HTT: variants seen among roughly 807,000 people sequenced by gnomAD.
HTT encodes huntington disease protein.
Under a neutral mutation model 362.3 loss-of-function variants are expected in HTT, and 104 were observed. The observed-to-expected ratio is 0.29, with a 90% CI of 0.24 to 0.34. The LOEUF (loss-of-function observed/expected upper bound fraction) is 0.34. Among genes scored for constraint, HTT ranks in the 10% least tolerant of loss-of-function variants. HTT has a pLI of 1.00. For missense variants in HTT, 3,301 were observed against 3,928.6 expected, an observed-to-expected ratio of 0.84 and a Z score of 4.27; for synonymous variants, 1,577 against 1,548.7, an observed-to-expected ratio of 1.02 and a Z score of -0.43.
chr4:3,135,152 A>G (rs1715999481), intron 19 of HTT, among the ~76,000 whole-genome samples: 4 of 152,030 alleles, frequency 2.6e-5, no homozygotes, highest in South Asian at 4.1e-4. Context: ...AAAAAAATGT[A>G]GCTTATATTA....
rs771738411 is a variant in HTT, at chr4:3,157,187, C to T, written c.3741C>T (p.His1247=). 2.2e-5 allele frequency: 36 copies of T among 1,613,428 alleles called. No individual in the cohort carries two copies. The highest frequency in any genetic ancestry group is 6.7e-5 in the East Asian group (3 of 44,858). Residue 1247 remains histidine, a synonymous_variant, in exon 28 of 67, where the codon CAC becomes CAT. Transcript: ENST00000355072. ...LKLHDVLKAT[H]ANYKVTLDLQ... The stretch of plus-strand genomic sequence containing the variant: ...TGCATGATGTCCTGAAAGCTACACA[C>T]GCTAACTACAAGGTATGGGCCTCTG...
At position 3,074,774 on chromosome 4, in the gene HTT, C is replaced by A. The variant is rs1161682622; in HGVS notation, c.-52C>A. On this transcript the variant is annotated 5_prime_UTR_variant, in exon 1 of 67. Transcript: ENST00000355072. Reference sequence around the variant, plus strand: ...TCATTGCCCCGGTGCTGAGCGGCGCCGCGAGTCGGCCCGAGGCCTCCGGGG... The same window carrying A: ...TCATTGCCCCGGTGCTGAGCGGCGCAGCGAGTCGGCCCGAGGCCTCCGGGG... 3 of 1,497,700 alleles carry A rather than the reference C, an allele frequency of 2.0e-6. No homozygotes were observed. Among genetic ancestry groups the A allele is most frequent in the South Asian group, 2.5e-5 (2 of 81,242 alleles). The allele number at this position is 1,497,700 out of a possible 1,614,324, so 92.8% of individuals were successfully genotyped here.
chr4:3,103,250 G>C (rs1275997592), intron 3 of HTT, among the ~76,000 whole-genome samples: 1 of 128,290 alleles, frequency 7.8e-6, no homozygotes, highest in African/African-American at 3.0e-5. Flanking sequence ...TTGAGATGGA[G>C]TTTCGCTCTT....
intron 53 of HTT, 49 bp downstream of exon 53, chr4:3,220,357 G>A (rs1380858153): frequency 6.3e-7 from 1 of 1,588,248 alleles, no homozygotes; most frequent in Non-Finnish European, 8.6e-7. Context: ...ACATCTACCG[G>A]GAGGAAATCC....
In HTT at chr4:3,175,054, C is replaced by T. The variant is rs1432100882; in HGVS notation, c.4354C>T (p.Leu1452=). ...GTTACAGAAGCAGGTTTTAGATTTG[C>T]TGGCGCAGCTGGTTCAGTTACGGGT... is the stretch of plus-strand genomic sequence containing the variant. ...VQLQKQVLDL[L]AQLVQLRVNY... The change falls in exon 33 of 67, where the codon CTG becomes TTG. Residue 1452 remains leucine, a synonymous_variant. Transcript: ENST00000355072. 7 of 1,614,120 alleles carry T rather than the reference C, an allele frequency of 4.3e-6. No homozygotes were observed. Among genetic ancestry groups the T allele is most frequent in the South Asian group, 1.1e-5 (1 of 91,072 alleles).
chr4:3,089,799 C>A (rs1713406439), intron 2 of HTT, among the ~76,000 whole-genome samples: 1 of 152,158 alleles, frequency 6.6e-6, no homozygotes, highest in African/African-American at 2.4e-5. Flanking sequence ...TATGTTGAGA[C>A]ATCTTAAGAT....
chr4:3,196,281 G>A (rs748659064), intron 40 of HTT, among the ~76,000 whole-genome samples: 12 of 152,074 alleles, frequency 7.9e-5, no homozygotes, highest in Non-Finnish European at 1.2e-4. Context: ...AGGGACCCTG[G>A]GTTCCTCATA....
chr4:3,123,626 G>C (rs1320706732), intron 10 of HTT, among the ~76,000 whole-genome samples: 1 of 152,126 alleles, frequency 6.6e-6, no homozygotes, highest in East Asian at 1.9e-4. Flanking sequence ...GGAGTTTGAG[G>C]TCACAGTGAG....
At chr4:3,148,364 C>T (rs928478219) in intron 26 of HTT, among the ~76,000 whole-genome samples, 157 bp downstream of exon 26, 4 of 152,172 alleles carry the variant, frequency 2.6e-5, no homozygotes, top group Non-Finnish European at 5.9e-5. Context: ...CAAAATGTGA[C>T]CATGTGGATG....
At chr4:3,132,023 C>T (rs1022396752) in intron 16 of HTT, among the ~76,000 whole-genome samples, 27 of 152,282 alleles carry the variant, frequency 1.8e-4, no homozygotes, top group African/African-American at 6.0e-4. Flanking sequence ...ATATACACAT[C>T]GGATTTAAAC....
At chr4:3,149,792 G>A (rs987798544) in intron 26 of HTT, among the ~76,000 whole-genome samples, 1 of 152,174 alleles carries the variant, frequency 6.6e-6, no homozygotes, top group Non-Finnish European at 1.5e-5. Flanking sequence ...GCTCTGAGGT[G>A]GACCTTGTTT....
intron 37 of HTT, 32 bp from the exon 38 acceptor site, chr4:3,186,565 C>T (rs374278285): frequency 9.9e-5 from 154 of 1,558,200 alleles, no homozygotes; most frequent in Middle Eastern, 6.9e-4. Flanking sequence ...TTTTGGCTTA[C>T]GTAGAAATGT....
intron 64 of HTT, 39 bp from the exon 65 acceptor site, chr4:3,238,408 G>C (rs374900264): frequency 6.5e-7 from 1 of 1,539,416 alleles, no homozygotes; most frequent in African/African-American, 1.4e-5. Flanking sequence ...GCAGCTGTGG[G>C]AGCTGGTGCC....
chr4:3,193,575 C>T (rs1009628987), intron 40 of HTT, among the ~76,000 whole-genome samples: 1 of 152,140 alleles, frequency 6.6e-6, no homozygotes. Context: ...CGCTGATTTC[C>T]TCTCCTTCCA....
At chr4:3,155,728 C>CAAAA (rs774283812) in intron 27 of HTT, among the ~76,000 whole-genome samples, 6 of 49,586 alleles carry the variant, frequency 1.2e-4, no homozygotes, top group Admixed American at 2.2e-4. Context: ...AAAAATACCA[C>CAAAA]AAAAAAAAAA....
chr4:3,212,936 T>G, intron 49 of HTT: 1 of 524,288 alleles, frequency 1.9e-6, no homozygotes, highest in African/African-American at 1.9e-5. Flanking sequence ...GGTCCCCTTC[T>G]CATCTGCACC....
chr4:3,150,482 A>G (rs1352022729), intron 26 of HTT, among the ~76,000 whole-genome samples: 1 of 152,028 alleles, frequency 6.6e-6, no homozygotes, highest in African/African-American at 2.4e-5. Flanking sequence ...ACTTACATAT[A>G]GCTGATTTGT....
intron 24 of HTT, among the ~76,000 whole-genome samples, chr4:3,145,623 C>G (rs1429174141): frequency 1.3e-5 from 2 of 152,136 alleles, no homozygotes. Context: ...AACTACTGTT[C>G]TTGTATTAAC....
intron 35 of HTT, among the ~76,000 whole-genome samples, chr4:3,179,880 G>A (rs946335613): frequency 5.3e-5 from 8 of 151,242 alleles, no homozygotes; most frequent in East Asian, 2.0e-4. Flanking sequence ...ATGTGTGAGC[G>A]TATGTGTCAC....
Sources: gnomAD v4.1 joint callset for allele counts (sites outside exome capture counted in the v4.1 genomes callset) on GRCh38, gnomAD v4.1.1 for gene constraint, MANE v1.5 for transcripts, NCBI Gene and HGNC (gene_info 2026-07-23, HGNC 2026-07-21) for gene names.